Variants in TJP1 observed in about 807,000 individuals in gnomAD.
The protein encoded by TJP1 is tight junction protein 1, also known as tight junction protein ZO-1.
Under a neutral mutation model 194.2 loss-of-function variants are expected in TJP1, and 43 were observed. The observed-to-expected ratio is 0.22, with a 90% CI of 0.17 to 0.29. The LOEUF is 0.29. Ranked by LOEUF, TJP1 falls within the 10% of genes least tolerant of loss-of-function variation. The probability of loss-of-function intolerance (pLI) is 1.00; values close to 1 mark genes in which losing one functional copy is unlikely to be tolerated. For synonymous variants in TJP1, 801 were observed against 779.0 expected (o/e 1.03, Z -0.47); for missense variants, 1,971 against 2,185.7 (o/e 0.90, Z 1.96).
chr15:29,753,167 A>G (rs960706767), intron 8 of TJP1, among the ~76,000 whole-genome samples: 13 of 152,212 alleles, frequency 8.5e-5, no homozygotes, highest in African/African-American at 3.1e-4. Context: ...CATCCAAATG[A>G]TAGCAGGGAT....
chr15:29,902,773 T>G (rs1171262066), intron 2 of TJP1, among the ~76,000 whole-genome samples: 1 of 152,158 alleles, frequency 6.6e-6, no homozygotes, highest in Non-Finnish European at 1.5e-5. Flanking sequence ...CGGTGGCTCA[T>G]GCCTGTAGTC....
intron 2 of TJP1, among the ~76,000 whole-genome samples, chr15:29,776,196 A>G (rs576639174): frequency 3.3e-5 from 5 of 152,330 alleles, no homozygotes; most frequent in African/African-American, 9.6e-5. Context: ...TCCATGAAAA[A>G]GGGATTAATT....
intron 1 of TJP1, among the ~76,000 whole-genome samples, chr15:29,957,656 C>T (rs140775099): frequency 6.6e-6 from 1 of 152,190 alleles, no homozygotes; most frequent in Non-Finnish European, 1.5e-5. Flanking sequence ...TTCAACTATT[C>T]CCCTACTAAT....
chr15:29,716,732 A>G lies in TJP1; in HGVS notation c.4081T>C (p.Tyr1361His), dbSNP rs2042587984. 9 of 1,614,198 alleles carry G rather than the reference A, an allele frequency of 5.6e-6. No individual in the cohort carries two copies. The highest frequency in any genetic ancestry group is 7.6e-6 in the Non-Finnish European group (9 of 1,180,038). Residue 1361 changes from tyrosine to histidine, a missense_variant, in exon 23 of 28, where the codon TAC (tyrosine) becomes CAC (histidine). Tyr to His is a moderately conservative substitution (Grantham distance 83). Transcript: ENST00000614355. ...DEEYYRKQLS[Y>H]FDRRSFENKP... ...TTCTCAAAACTTCTTCGGTCAAAGT[A>G]TGACAGCTGTTTTCGATAATATTCT...
intron 2 of TJP1, among the ~76,000 whole-genome samples, chr15:29,799,749 T>C (rs1368921553): frequency 6.6e-6 from 1 of 152,182 alleles, no homozygotes; most frequent in East Asian, 1.9e-4. Context: ...AATTTACCCA[T>C]TATCTACTAT....
chr15:29,761,105 C>G, intron 8 of TJP1, 34 bp downstream of exon 8: 5 of 1,549,824 alleles, frequency 3.2e-6, no homozygotes, highest in Non-Finnish European at 4.3e-6. Context: ...GCAAACAAAA[C>G]CCCTGTATTT....
chr15:29,783,913 C>G (rs1027539068), intron 2 of TJP1, among the ~76,000 whole-genome samples: 15 of 151,828 alleles, frequency 9.9e-5, no homozygotes, highest in Non-Finnish European at 2.2e-4. Context: ...ACAAGTTTAC[C>G]TACATAACAA....
chr15:29,908,004 C>T (rs570419394), intron 2 of TJP1, among the ~76,000 whole-genome samples: 1 of 92,252 alleles, frequency 1.1e-5, no homozygotes, highest in Admixed American at 1.5e-4. Context: ...GGAAAAACAC[C>T]GATAGAAATT....
chr15:29,780,645 TA>T (rs1419549185), intron 2 of TJP1, among the ~76,000 whole-genome samples: 6 of 151,800 alleles, frequency 4.0e-5, no homozygotes, highest in South Asian at 2.1e-4. Flanking sequence ...CTGCAGACAA[TA>T]AAAGTATGCC....
chr15:29,741,441 G>GAAA lies in TJP1; in HGVS notation c.1151-8_1151-6dup. 1 of 1,528,580 alleles carries GAAA rather than the reference G, an allele frequency of 6.5e-7. No individual in the cohort carries two copies. Among genetic ancestry groups the GAAA allele is most frequent in the Non-Finnish European group, 8.9e-7 (1 of 1,126,284 alleles). 94.7% of individuals were successfully genotyped at this position (1,528,580 alleles called of 1,614,324 possible). A position where few individuals can be genotyped will look rare whatever the true frequency, so the allele number is the denominator to read the frequency against. On this transcript the variant is annotated splice_region_variant and splice_polypyrimidine_tract_variant and intron_variant, in intron 9 of 27. Transcript: ENST00000614355. ...GGGCATACACAGGCTTTGGTTCTAAGAAAAAAAAAATTGAGTAGGACTCAC... is the reference window on the plus strand; with the variant it reads ...GGGCATACACAGGCTTTGGTTCTAAGAAAAAAAAAAAAATTGAGTAGGACTCAC...
intron 2 of TJP1, among the ~76,000 whole-genome samples, chr15:29,893,880 A>C (rs1051193674): frequency 6.6e-5 from 10 of 152,194 alleles, no homozygotes; most frequent in African/African-American, 2.4e-4. Flanking sequence ...CTTCTGAAGT[A>C]ATAGGTTTAT....
chr15:29,895,471 T>C (rs1207017164), intron 2 of TJP1, among the ~76,000 whole-genome samples: 1 of 152,220 alleles, frequency 6.6e-6, no homozygotes, highest in Non-Finnish European at 1.5e-5. Flanking sequence ...ACAATGATCA[T>C]GTTTCCTATG....
chr15:29,755,297 G>T (rs988071217), intron 8 of TJP1, among the ~76,000 whole-genome samples: 1 of 152,162 alleles, frequency 6.6e-6, no homozygotes, highest in African/African-American at 2.4e-5. Context: ...TTCTCAGAAG[G>T]TATCCCCATC....
At chr15:29,949,421 TCCACAA>T (rs2055466271) in intron 2 of TJP1, among the ~76,000 whole-genome samples, 1 of 125,944 alleles carries the variant, frequency 7.9e-6, no homozygotes, top group Non-Finnish European at 1.7e-5. Flanking sequence ...CACCTCTACC[TCCACAA>T]CCACCACCTC....
chr15:29,909,209 A>G (rs551526187), intron 2 of TJP1, among the ~76,000 whole-genome samples: 1 of 150,886 alleles, frequency 6.6e-6, no homozygotes, highest in South Asian at 2.1e-4. Flanking sequence ...GTGGTGGTGC[A>G]CACTTGTAGT....
chr15:29,836,271 C>G (rs1273045112), intron 2 of TJP1, among the ~76,000 whole-genome samples: 1 of 151,164 alleles, frequency 6.6e-6, no homozygotes, highest in Non-Finnish European at 1.5e-5. Context: ...GTGGGATGAT[C>G]AACTTTTTTT....
At chr15:29,903,816 G>A (rs1394018221) in intron 2 of TJP1, among the ~76,000 whole-genome samples, 3 of 152,080 alleles carry the variant, frequency 2.0e-5, no homozygotes, top group African/African-American at 7.2e-5. Flanking sequence ...GGAACTTCGG[G>A]GAAAAAGCAG....
chr15:29,756,114 C>G (rs1381017907), intron 8 of TJP1, among the ~76,000 whole-genome samples: 1 of 152,034 alleles, frequency 6.6e-6, no homozygotes, highest in African/African-American at 2.4e-5. Flanking sequence ...TATGCAGGGA[C>G]TACAGGAAGA....
chr15:29,834,878 C>T (rs953789304), intron 2 of TJP1, among the ~76,000 whole-genome samples: 6 of 152,176 alleles, frequency 3.9e-5, no homozygotes, highest in Admixed American at 3.9e-4. Flanking sequence ...ACACAAAGAG[C>T]TGAGGAAAAG....
Sources: gnomAD v4.1 joint callset for allele counts (sites outside exome capture counted in the v4.1 genomes callset) on GRCh38, gnomAD v4.1.1 for gene constraint, MANE v1.5 for transcripts, NCBI Gene and HGNC (gene_info 2026-07-23, HGNC 2026-07-21) for gene names.